The following CBFA2T2 variants were observed in gnomAD, a reference collection of about 807,000 sequenced individuals.
The protein encoded by CBFA2T2 is CBFA2/RUNX1 partner transcriptional co-repressor 2.
CBFA2T2 carries 11 observed loss-of-function variants against 62.2 expected under a neutral mutation model. The ratio of observed to expected loss-of-function variants is 0.18; its 90% CI spans 0.11 to 0.29. The LOEUF is 0.29. Ranked by LOEUF, CBFA2T2 falls within the 10% of genes least tolerant of loss-of-function variation. The pLI, the probability that CBFA2T2 is intolerant of heterozygous loss-of-function variation, is 1.00. For missense variants in CBFA2T2, 592 were observed against 774.1 expected (o/e 0.76, Z 2.79); for synonymous variants, 295 against 287.5 (o/e 1.03, Z -0.27).
rs567849261 is a variant in CBFA2T2 at position 33,647,904 on chromosome 20, G to A, written c.*3258G>A. ...CCTTCTGCTGTGTTAATTCTGGTCA[G>A]TTTCACACAGAAGTCACGAGGGCCT... is the stretch of plus-strand genomic sequence containing the variant. On this transcript the variant is annotated 3_prime_UTR_variant, in exon 11 of 11. Transcript: ENST00000342704. 6.6e-6 allele frequency: 1 copy of A among 152,260 alleles called. No individual in the cohort carries two copies. Among genetic ancestry groups the A allele is most frequent in the Admixed American group, 6.5e-5 (1 of 15,280 alleles). 9.4% of individuals were successfully genotyped at this position (152,260 alleles called of 1,614,324 possible). A position where few individuals can be genotyped will look rare whatever the true frequency, so the allele number is the denominator to read the frequency against.
chr20:33,513,221 C>T lies in CBFA2T2; in HGVS notation c.34+22920C>T, dbSNP rs974217075. Among the ~76,000 whole-genome samples the T allele has an allele frequency of 2.6e-5, 4 of 152,142 alleles. 1 individual carries two copies. The highest frequency in any genetic ancestry group is 2.0e-4 in the Admixed American group (3 of 15,252). On this transcript the variant is annotated intron_variant, in intron 1 of 10. Coordinates refer to ENST00000342704, the MANE Select transcript of CBFA2T2 (RefSeq NM_001032999.3). ...TGTGAGAGTTCCATTTATTACACAT[C>T]CTCTCCAGACTAACAACTTGCTGTT...
chr20:33,632,266 A>ACTC (rs1423394349), intron 8 of CBFA2T2, among the ~76,000 whole-genome samples: 1 of 151,698 alleles, frequency 6.6e-6, no homozygotes, highest in Non-Finnish European at 1.5e-5. Flanking sequence ...CTGGGCTCGA[A>ACTC]CTCCTGACCT....
chr20:33,632,225 G>A (rs956809870), intron 8 of CBFA2T2, among the ~76,000 whole-genome samples: 1 of 151,918 alleles, frequency 6.6e-6, no homozygotes, highest in Non-Finnish European at 1.5e-5. Context: ...TGTATTTTTA[G>A]TAGAGATGGG....
At chr20:33,524,418 C>G (rs2011825000) in intron 1 of CBFA2T2, among the ~76,000 whole-genome samples, 1 of 151,908 alleles carries the variant, frequency 6.6e-6, no homozygotes, top group South Asian at 2.1e-4. Context: ...TTGTTGCATA[C>G]CAGATGGGTA....
rs955712632 is a variant in CBFA2T2, at chr20:33,493,073, T to G, written c.34+2772T>G. ...CGCCCTTGATTGAAGTTTTGGTTTTTTTTTTTTTTTTTTTTTTTTGAGACG... is the reference window on the plus strand; with the variant it reads ...CGCCCTTGATTGAAGTTTTGGTTTTGTTTTTTTTTTTTTTTTTTTGAGACG... On this transcript the variant is annotated intron_variant, in intron 1 of 10. Coordinates refer to ENST00000342704, the MANE Select transcript of CBFA2T2 (RefSeq NM_001032999.3). Among the ~76,000 whole-genome samples, 707 of 142,588 alleles carry G rather than the reference T, an allele frequency of 5.0e-3. 11 individuals are homozygous for G. Among genetic ancestry groups the G allele is most frequent in the African/African-American group, 0.018 (659 of 37,366 alleles). 93.5% of individuals were successfully genotyped at this position (142,588 alleles called of 152,430 possible).
intron 1 of CBFA2T2, among the ~76,000 whole-genome samples, chr20:33,547,509 ATC>A (rs2012609801): frequency 6.6e-6 from 1 of 152,116 alleles, no homozygotes; most frequent in Non-Finnish European, 1.5e-5. Flanking sequence ...TTGAGACCCC[ATC>A]TCTACAAAAA....
At chr20:33,516,900 T>G (rs992018274) in intron 1 of CBFA2T2, among the ~76,000 whole-genome samples, 4 of 152,266 alleles carry the variant, frequency 2.6e-5, no homozygotes, top group African/African-American at 9.6e-5. Flanking sequence ...TTATCTCTTC[T>G]GTTGTTTTAA....
rs1360130357 is a variant in CBFA2T2 at position 33,645,182 on chromosome 20, G to A, written c.*536G>A. ...GGCATTCAGGACTCTTCTCAACCCTGCTGTTCAGACTTGATAAGATCTCAG... is the reference window on the plus strand; with the variant it reads ...GGCATTCAGGACTCTTCTCAACCCTACTGTTCAGACTTGATAAGATCTCAG... On this transcript the variant is annotated 3_prime_UTR_variant, in exon 11 of 11. Coordinates refer to ENST00000342704, the MANE Select transcript of CBFA2T2 (RefSeq NM_001032999.3). The A allele has an allele frequency of 6.5e-6, 1 of 153,414 alleles. No individual in the cohort carries two copies. The highest frequency in any genetic ancestry group is 2.4e-5 in the African/African-American group (1 of 41,476). 9.5% of individuals were successfully genotyped at this position (153,414 alleles called of 1,614,324 possible). A position where few individuals can be genotyped will look rare whatever the true frequency, so the allele number is the denominator to read the frequency against.
intron 1 of CBFA2T2, among the ~76,000 whole-genome samples, chr20:33,566,579 T>C (rs2013321624): frequency 6.6e-6 from 1 of 151,502 alleles, no homozygotes; most frequent in East Asian, 1.9e-4. Context: ...GTACTCCAGC[T>C]TGGGCAACAG....
In CBFA2T2 at chr20:33,611,157, T is replaced by A. The variant is rs752024768; in HGVS notation, c.242T>A (p.Phe81Tyr). The change falls in exon 3 of 11, where the codon TTC becomes TAC. Residue 81 changes from phenylalanine to tyrosine, a missense_variant. Phe to Tyr is a conservative substitution (Grantham distance 22). Transcript: ENST00000342704. Reference protein sequence around the residue: ...LNGAPSPPQRFSNGPASSTSS... With the variant: ...LNGAPSPPQRYSNGPASSTSS... ...GGTGCCCCATCACCGCCACAGAGAT[T>A]CAGCAATGGTCCTGCCTCCTCCACA... 9.9e-6 allele frequency: 16 copies of A among 1,614,076 alleles called. No individual in the cohort carries two copies. Among genetic ancestry groups the A allele is most frequent in the Non-Finnish European group, 1.4e-5 (16 of 1,180,046 alleles).
At chr20:33,534,601 T>C (rs1300945731) in intron 1 of CBFA2T2, among the ~76,000 whole-genome samples, 3 of 152,134 alleles carry the variant, frequency 2.0e-5, no homozygotes, top group East Asian at 1.9e-4. Flanking sequence ...GCATGATCCA[T>C]TGCCCCCAGC....
At chr20:33,637,866 C>A (rs1481371510) in intron 9 of CBFA2T2, among the ~76,000 whole-genome samples, 1 of 151,424 alleles carries the variant, frequency 6.6e-6, no homozygotes, top group African/African-American at 2.4e-5. Context: ...GAGGTTTCTC[C>A]ATGTTGGTCA....
At chr20:33,642,115 TTTGTGTGTGTGTG>T (rs994549823) in intron 10 of CBFA2T2, among the ~76,000 whole-genome samples, 6 of 36,584 alleles carry the variant, frequency 1.6e-4, no homozygotes, top group Non-Finnish European at 1.6e-4. Flanking sequence ...CTTTTTTTTT[TTTGTGTGTGTGTG>T]TGTGTGTGTG....
chr20:33,580,458 C>T (rs1392141579), intron 1 of CBFA2T2, among the ~76,000 whole-genome samples: 1 of 152,186 alleles, frequency 6.6e-6, no homozygotes, highest in Non-Finnish European at 1.5e-5. Context: ...AAATTGGCCT[C>T]TTCTGAAACA....
At chr20:33,594,291 G>A (rs1310899821) in intron 1 of CBFA2T2, among the ~76,000 whole-genome samples, 7 of 151,904 alleles carry the variant, frequency 4.6e-5, no homozygotes, top group South Asian at 2.1e-4. Flanking sequence ...GCGCAACCTC[G>A]GCTCACTGCA....
At chr20:33,582,885 T>C (rs1317813474) in intron 1 of CBFA2T2, among the ~76,000 whole-genome samples, 1 of 151,236 alleles carries the variant, frequency 6.6e-6, no homozygotes, top group Admixed American at 6.6e-5. Flanking sequence ...GATGTTGCAG[T>C]GAACGAAGAT....
At chr20:33,556,722 G>C (rs1462088602) in intron 1 of CBFA2T2, among the ~76,000 whole-genome samples, 1 of 151,984 alleles carries the variant, frequency 6.6e-6, no homozygotes, top group Non-Finnish European at 1.5e-5. Context: ...AGCATGAGCA[G>C]CTGCACCCTA....
intron 6 of CBFA2T2, among the ~76,000 whole-genome samples, chr20:33,626,631 C>G (rs1384423992): frequency 6.6e-6 from 1 of 152,186 alleles, no homozygotes; most frequent in African/African-American, 2.4e-5. Context: ...AGCAGAGAAC[C>G]AAAGGGCTAT....
At chr20:33,609,032 T>C (rs1283497165) in intron 2 of CBFA2T2, among the ~76,000 whole-genome samples, 1 of 152,216 alleles carries the variant, frequency 6.6e-6, no homozygotes, top group Non-Finnish European at 1.5e-5. Flanking sequence ...CTCAGCCCGT[T>C]AGTCTGTTAT....
Sources: gnomAD v4.1 joint callset for allele counts (sites outside exome capture counted in the v4.1 genomes callset) on GRCh38, gnomAD v4.1.1 for gene constraint, MANE v1.5 for transcripts, NCBI Gene and HGNC (gene_info 2026-07-23, HGNC 2026-07-21) for gene names.